The following CDC42BPB variants were observed in gnomAD, a reference collection of about 807,000 sequenced individuals.
CDC42BPB encodes serine/threonine-protein kinase MRCK beta.
CDC42BPB carries 37 observed loss-of-function variants against 214.9 expected under a neutral mutation model. That is an observed-to-expected ratio of 0.17 (90% CI 0.13 to 0.23). The LOEUF is 0.23. Ranked by LOEUF, CDC42BPB falls within the 10% of genes least tolerant of loss-of-function variation. The pLI is 1.00. For missense variants in CDC42BPB, 1,694 were observed against 2,227.0 expected, an observed-to-expected ratio of 0.76 and a Z score of 4.82; for synonymous variants, 931 against 884.0, an observed-to-expected ratio of 1.05 and a Z score of -0.94.
rs1160560731 is a variant in CDC42BPB, at chr14:103,057,128, C to G, written c.46G>C (p.Asp16His). 6.6e-7 allele frequency: 1 copy of G among 1,512,414 alleles called. No individual in the cohort carries two copies. The highest frequency in any genetic ancestry group is 8.8e-7 in the Non-Finnish European group (1 of 1,136,212). 93.7% of individuals were successfully genotyped at this position (1,512,414 alleles called of 1,614,324 possible). Residue 16 changes from aspartate (D) to histidine (H), a missense_variant, in exon 1 of 37, where the codon GAC (aspartate) becomes CAC (histidine). Coordinates refer to ENST00000361246, the MANE Select transcript of CDC42BPB (RefSeq NM_006035.4). Reference protein sequence around the residue: ...RLKKLEQLLLDGPWRNESALS... With the variant: ...RLKKLEQLLLHGPWRNESALS... ...GCGCTCTCGTTGCGCCAGGGCCCGT[C>G]CAGGAGCAGCTGCTCCAGCTTCTTG...
At chr14:102,986,601 C>A (rs35915337) in intron 5 of CDC42BPB, 21 bp from the exon 6 acceptor site, 1 of 1,608,722 alleles carries the variant, frequency 6.2e-7, no homozygotes. Flanking sequence ...AATAAACACA[C>A]AAATTAACCA....
intron 1 of CDC42BPB, among the ~76,000 whole-genome samples, chr14:103,021,907 G>A (rs1015007703): frequency 6.6e-6 from 1 of 152,164 alleles, no homozygotes; most frequent in Non-Finnish European, 1.5e-5. Flanking sequence ...GGGCGTGCAG[G>A]TTGACACTCG....
At chr14:102,959,564 C>A in intron 21 of CDC42BPB, 67 bp downstream of exon 21, 1 of 1,104,570 alleles carries the variant, frequency 9.1e-7, no homozygotes, top group Non-Finnish European at 1.3e-6. Context: ...GTGGTAAAAT[C>A]ATATATGACA....
intron 20 of CDC42BPB, 30 bp from the exon 21 acceptor site, chr14:102,959,740 C>CA (rs1327348710): frequency 1.9e-6 from 3 of 1,552,266 alleles, no homozygotes; most frequent in Non-Finnish European, 2.6e-6. Flanking sequence ...ATAGTCAAGG[C>CA]AAAAAAACTA....
intron 5 of CDC42BPB, among the ~76,000 whole-genome samples, chr14:102,986,992 C>T (rs1051253586): frequency 7.2e-5 from 11 of 152,216 alleles, no homozygotes; most frequent in East Asian, 1.9e-4. Context: ...CAGGCTCACA[C>T]GGTGCAAGCT....
chr14:102,999,387 C>T (rs900515579), intron 5 of CDC42BPB, among the ~76,000 whole-genome samples, 178 bp downstream of exon 5: 9 of 152,116 alleles, frequency 5.9e-5, no homozygotes, highest in African/African-American at 2.2e-4. Context: ...GAGCTGGGAT[C>T]CACCGGCTGC....
chr14:102,963,855 T>C (rs1307333371), intron 19 of CDC42BPB, among the ~76,000 whole-genome samples: 2 of 152,244 alleles, frequency 1.3e-5, no homozygotes, highest in Admixed American at 1.3e-4. Context: ...CTAACAGGAT[T>C]TGGGACTTGG....
Position 102,965,556 on chromosome 14 carries a change from G to C in CDC42BPB, c.2577+726C>G, listed in dbSNP as rs150560633. 3.2e-4 allele frequency among the ~76,000 whole-genome samples: 49 copies of C among 152,276 alleles called. No homozygotes were observed. In the East Asian group the frequency reaches 8.9e-3, roughly 28 times the overall value. On this transcript the variant is annotated intron_variant, in intron 18 of 36. Transcript: ENST00000361246. ...TTTCGAGAGGTATCAAAGAAGTCCA[G>C]AGATGCCATCTTGCTGTTTTTTCTT... is the stretch of plus-strand genomic sequence containing the variant.
chr14:103,004,509 T>C lies in CDC42BPB; in HGVS notation c.352-486A>G, dbSNP rs2139611548. On this transcript the variant is annotated intron_variant, in intron 3 of 36. Transcript: ENST00000361246. The surrounding 1 kb of genome is among the most constrained non-coding windows in gnomAD (Gnocchi z 5.3). ...ATAGTGATGACACAATTGTCACAGA[T>C]TCCACTAGGGAGGCCTACAGCCAGC... Among the ~76,000 whole-genome samples, 1 of 152,336 alleles carries C rather than the reference T, an allele frequency of 6.6e-6. No individual in the cohort carries two copies. Among genetic ancestry groups the C allele is most frequent in the South Asian group, 2.1e-4 (1 of 4,828 alleles).
At chr14:102,954,136 C>G in intron 23 of CDC42BPB, 62 bp downstream of exon 23, 6 of 1,092,726 alleles carry the variant, frequency 5.5e-6, no homozygotes, top group Non-Finnish European at 8.2e-6. Context: ...TTCTAAATAA[C>G]TGAGAATAAA....
At chr14:103,048,068 A>G (rs1888394787) in intron 1 of CDC42BPB, among the ~76,000 whole-genome samples, 1 of 152,206 alleles carries the variant, frequency 6.6e-6, no homozygotes, top group Non-Finnish European at 1.5e-5. Context: ...CCTGCAAGGA[A>G]TGAAAAGCAC....
At chr14:103,017,739 T>C (rs1017684029) in intron 1 of CDC42BPB, among the ~76,000 whole-genome samples, 1 of 152,122 alleles carries the variant, frequency 6.6e-6, no homozygotes, top group Admixed American at 6.6e-5. Context: ...ACAGAACTGA[T>C]CACACAGAAA....
intron 28 of CDC42BPB, among the ~76,000 whole-genome samples, chr14:102,946,166 G>T (rs894159129): frequency 6.6e-6 from 1 of 151,972 alleles, no homozygotes; most frequent in South Asian, 2.1e-4. Flanking sequence ...CCGCCACCAC[G>T]CCCAGCTATA....
At chr14:102,974,396 C>T (rs998176296) in intron 11 of CDC42BPB, 20 of 981,924 alleles carry the variant, frequency 2.0e-5, no homozygotes, top group African/African-American at 3.5e-5. Flanking sequence ...ACAGCGATCT[C>T]CCCTGAGCAC....
intron 12 of CDC42BPB, among the ~76,000 whole-genome samples, chr14:102,973,484 T>C (rs1441174454): frequency 6.6e-6 from 1 of 152,186 alleles, no homozygotes; most frequent in Non-Finnish European, 1.5e-5. Flanking sequence ...TCACCCAGAT[T>C]TTAACACAGG....
In CDC42BPB at chr14:103,004,037, AG is replaced by A; in HGVS notation, c.352-15del. 6.3e-7 allele frequency: 1 copy of A among 1,589,396 alleles called. No homozygotes were observed. On this transcript the variant is annotated splice_polypyrimidine_tract_variant and intron_variant, in intron 3 of 36. Transcript: ENST00000361246. The surrounding 1 kb of genome is among the most constrained non-coding windows in gnomAD (Gnocchi z 5.3). ...GAAGCACGCGGTCTGCAAAGCAACG[AG>A]GGGTGTCAGTCTGTGTTCACTGGGA...
At chr14:102,998,641 G>A (rs1894846965) in intron 5 of CDC42BPB, among the ~76,000 whole-genome samples, 1 of 152,218 alleles carries the variant, frequency 6.6e-6, no homozygotes, top group Non-Finnish European at 1.5e-5. Flanking sequence ...GGGCCCCTGA[G>A]AGCAGGAGAC....
chr14:102,958,964 C>A (rs1211701755), intron 21 of CDC42BPB, among the ~76,000 whole-genome samples: 1 of 140,868 alleles, frequency 7.1e-6, no homozygotes, highest in Non-Finnish European at 1.5e-5. Context: ...TGAGCCACTG[C>A]ACCCATCCCA....
intron 36 of CDC42BPB, 66 bp from the exon 37 acceptor site, chr14:102,933,909 C>G (rs1400319070): frequency 2.1e-6 from 3 of 1,456,958 alleles, no homozygotes; most frequent in African/African-American, 3.0e-5. Flanking sequence ...GCGTGCCCAG[C>G]TGGATGCAAA....
Sources: allele counts gnomAD v4.1 joint callset (sites outside exome capture counted in the v4.1 genomes callset), GRCh38; gene constraint gnomAD v4.1.1; non-coding constraint Gnocchi (gnomAD v3.1); transcripts MANE v1.5; gene names NCBI Gene and HGNC (gene_info 2026-07-23, HGNC 2026-07-21).